MEMO1: variants seen among roughly 807,000 people sequenced by gnomAD.
MEMO1 encodes the protein mediator of cell motility 1.
A neutral mutation model predicts 45.2 loss-of-function variants in MEMO1; 6 were observed. That is an observed-to-expected ratio of 0.13 (90% CI 0.07 to 0.26). MEMO1 has a LOEUF of 0.26. MEMO1 is among the 10% of genes least tolerant of loss of function. The probability of loss-of-function intolerance (pLI) is 1.00; values close to 1 mark genes in which losing one functional copy is unlikely to be tolerated. For synonymous variants in MEMO1, 78 were observed against 124.3 expected, an observed-to-expected ratio of 0.63 and a Z score of 2.48; for missense variants, 184 against 370.5, an observed-to-expected ratio of 0.50 and a Z score of 4.13.
At chr2:31,885,047 A>G (rs1170247848) in intron 7 of MEMO1, among the ~76,000 whole-genome samples, 1 of 152,228 alleles carries the variant, frequency 6.6e-6, no homozygotes, top group African/African-American at 2.4e-5. Flanking sequence ...ATTTTTCTGT[A>G]AAGAATGTAT....
In MEMO1 at chr2:31,919,437, A is replaced by G. The variant is rs555566268; in HGVS notation, c.325+1361T>C. Among the ~76,000 whole-genome samples, 4 of 152,136 alleles carry G rather than the reference A, an allele frequency of 2.6e-5. No individual in the cohort carries two copies. In the South Asian group the frequency reaches 8.3e-4, roughly 32 times the overall value. Reference sequence around the variant, plus strand: ...CAAAGTGCTGGGATTTCAGCCATGAACCACCACACTAGGCCTTGACTCTTT... The same window carrying G: ...CAAAGTGCTGGGATTTCAGCCATGAGCCACCACACTAGGCCTTGACTCTTT... On this transcript the variant is annotated intron_variant, in intron 5 of 9. Coordinates refer to ENST00000404530, the MANE Select transcript of MEMO1 (RefSeq NM_001301833.4).
intron 2 of MEMO1, among the ~76,000 whole-genome samples, chr2:31,981,779 C>A (rs889398665): frequency 6.6e-6 from 1 of 152,212 alleles, no homozygotes; most frequent in South Asian, 2.1e-4. Flanking sequence ...AAGCAACAGA[C>A]TGCTACAAAC....
intron 4 of MEMO1, among the ~76,000 whole-genome samples, chr2:31,927,341 A>T (rs1320227048): frequency 6.6e-6 from 1 of 152,152 alleles, no homozygotes; most frequent in Non-Finnish European, 1.5e-5. Context: ...ACAAAAATTC[A>T]TTGATAGTAA....
chr2:31,886,288 A>T (rs1676178735), intron 7 of MEMO1, among the ~76,000 whole-genome samples: 1 of 152,236 alleles, frequency 6.6e-6, no homozygotes, highest in Admixed American at 6.5e-5. Flanking sequence ...GGTAATTTTT[A>T]AAAATTATAC....
chr2:31,945,679 A>G (rs1666111982), intron 2 of MEMO1, among the ~76,000 whole-genome samples: 1 of 152,168 alleles, frequency 6.6e-6, no homozygotes, highest in Non-Finnish European at 1.5e-5. Context: ...GAGATCATCA[A>G]GAGAGACGGC....
intron 3 of MEMO1, among the ~76,000 whole-genome samples, chr2:31,937,968 G>C (rs1665118089): frequency 6.6e-6 from 1 of 152,122 alleles, no homozygotes; most frequent in Non-Finnish European, 1.5e-5. Context: ...ATGTAGAAAG[G>C]CATTTCAGAC....
At chr2:31,981,241 G>C (rs1288793685) in intron 2 of MEMO1, among the ~76,000 whole-genome samples, 1 of 152,216 alleles carries the variant, frequency 6.6e-6, no homozygotes, top group African/African-American at 2.4e-5. Context: ...AGCAGGAGTA[G>C]TTAGAGTAAA....
intron 2 of MEMO1, among the ~76,000 whole-genome samples, chr2:31,980,052 A>G (rs1670459325): frequency 6.6e-6 from 1 of 152,112 alleles, no homozygotes; most frequent in Admixed American, 6.6e-5. Flanking sequence ...TAACTCAGTT[A>G]TCTAAAAACA....
chr2:31,885,503 T>C (rs1313996498), intron 7 of MEMO1, among the ~76,000 whole-genome samples: 2 of 152,336 alleles, frequency 1.3e-5, no homozygotes, highest in Non-Finnish European at 2.9e-5. Flanking sequence ...AATTTATCGA[T>C]TCAATTCATT....
At chr2:31,978,240 A>C (rs982514905) in intron 2 of MEMO1, among the ~76,000 whole-genome samples, 38 of 152,194 alleles carry the variant, frequency 2.5e-4, no homozygotes, top group Non-Finnish European at 5.1e-4. Context: ...TACAAAAATT[A>C]GCTGGGCGTG....
intron 6 of MEMO1, among the ~76,000 whole-genome samples, chr2:31,915,437 G>T (rs917578759): frequency 3.3e-5 from 5 of 152,020 alleles, no homozygotes; most frequent in African/African-American, 1.2e-4. Flanking sequence ...AATCTTGGCT[G>T]ACACAGTGAT....
chr2:31,927,292 C>A (rs1683254974), intron 4 of MEMO1, among the ~76,000 whole-genome samples: 1 of 152,148 alleles, frequency 6.6e-6, no homozygotes, highest in East Asian at 1.9e-4. Context: ...TGCATTCCAG[C>A]CTGGTGACAG....
intron 2 of MEMO1, among the ~76,000 whole-genome samples, chr2:31,968,119 A>C (rs377763314): frequency 5.9e-5 from 9 of 152,218 alleles, no homozygotes; most frequent in East Asian, 5.8e-4. Context: ...GAATAGAATT[A>C]GCTGCTGTGC....
At chr2:31,957,349 G>A (rs989444951) in intron 2 of MEMO1, among the ~76,000 whole-genome samples, 1 of 152,104 alleles carries the variant, frequency 6.6e-6, no homozygotes, top group African/African-American at 2.4e-5. Context: ...TGATGCTGTG[G>A]GATATGTCTA....
rs192194253 is a variant in MEMO1, at chr2:31,910,872, A to C, written c.437+7054T>G. Among the ~76,000 whole-genome samples the C allele has an allele frequency of 4.4e-3, 670 of 152,280 alleles. 10 individuals carry two copies. Among genetic ancestry groups the C allele is most frequent in the African/African-American group, 0.015 (630 of 41,554 alleles). On this transcript the variant is annotated intron_variant, in intron 6 of 9. Coordinates refer to ENST00000404530, the MANE Select transcript of MEMO1 (RefSeq NM_001301833.4). ...AAGAGCCCGTCTCAAAAAAATAAAA[A>C]ATAAAGAAAGTTGTAAATTAGTTGT...
At chr2:31,995,662 C>G (rs531894741) in intron 2 of MEMO1, among the ~76,000 whole-genome samples, 1 of 150,580 alleles carries the variant, frequency 6.6e-6, no homozygotes, top group Non-Finnish European at 1.5e-5. Flanking sequence ...TTAAGCTATG[C>G]AAGATATATG....
intron 7 of MEMO1, among the ~76,000 whole-genome samples, chr2:31,885,202 C>T (rs974464176): frequency 3.9e-5 from 6 of 152,152 alleles, no homozygotes; most frequent in African/African-American, 1.4e-4. Flanking sequence ...TCACTGCAAC[C>T]TCTGCCTCCC....
intron 2 of MEMO1, among the ~76,000 whole-genome samples, chr2:32,009,618 G>GCGGGGGCT (rs1674557107): frequency 6.6e-6 from 1 of 152,226 alleles, no homozygotes; most frequent in African/African-American, 2.4e-5. Context: ...GGCTGCGGGC[G>GCGGGGGCT]CGGGGGCTCG....
intron 6 of MEMO1, among the ~76,000 whole-genome samples, chr2:31,906,294 GTTTTTGT>G (rs930137680): frequency 3.3e-5 from 5 of 149,902 alleles, no homozygotes; most frequent in African/African-American, 1.2e-4. Flanking sequence ...TTTTGTTTTT[GTTTTTGT>G]TTTTTTTGTT....
Sources: gnomAD v4.1 joint callset for allele counts (sites outside exome capture counted in the v4.1 genomes callset) on GRCh38, gnomAD v4.1.1 for gene constraint, MANE v1.5 for transcripts, NCBI Gene and HGNC (gene_info 2026-07-23, HGNC 2026-07-21) for gene names.